The following MAGI2 variants were observed in gnomAD, a reference collection of about 807,000 sequenced individuals.
MAGI2 encodes the protein membrane associated guanylate kinase, WW and PDZ domain containing 2.
MAGI2 carries 35 observed loss-of-function variants against 133.3 expected under a neutral mutation model. The ratio of observed to expected loss-of-function variants is 0.26; its 90% CI spans 0.20 to 0.35. MAGI2 has a LOEUF of 0.35. MAGI2 is among the 10% of genes least tolerant of loss of function. The pLI, the probability that MAGI2 is intolerant of heterozygous loss-of-function variation, is 1.00. For synonymous variants in MAGI2, 729 were observed against 710.6 expected (o/e 1.03, Z -0.41); for missense variants, 1,636 against 1,863.4 (o/e 0.88, Z 2.25).
At chr7:78,141,704 T>C (rs1051678872) in intron 16 of MAGI2, among the ~76,000 whole-genome samples, 5 of 152,138 alleles carry the variant, frequency 3.3e-5, no homozygotes, top group Admixed American at 6.5e-5. Context: ...AAGTGCGTTT[T>C]CCCCCCTCCC....
chr7:78,944,872 A>AACT (rs766473395), intron 2 of MAGI2, among the ~76,000 whole-genome samples: 7 of 151,752 alleles, frequency 4.6e-5, no homozygotes, highest in Non-Finnish European at 8.8e-5. Context: ...GAGTAGATGG[A>AACT]ACTACAGGTG....
intron 1 of MAGI2, among the ~76,000 whole-genome samples, chr7:79,247,152 G>T (rs1832885606): frequency 6.6e-6 from 1 of 152,112 alleles, no homozygotes; most frequent in Non-Finnish European, 1.5e-5. Flanking sequence ...TCTAAAAGGA[G>T]TTCTTCAATC....
In MAGI2 at chr7:78,627,258, A is replaced by G; in HGVS notation, c.419-19T>C. ...GTGGTGCCTGAATAAAGAAAAGTAA[A>G]AACAAAAGAAAGACGCTAAGTGATT... On this transcript the variant is annotated intron_variant, in intron 2 of 21. Coordinates refer to ENST00000354212, the MANE Select transcript of MAGI2 (RefSeq NM_012301.4). The G allele has an allele frequency of 6.6e-7, 1 of 1,512,540 alleles. No homozygotes were observed. The highest frequency in any genetic ancestry group is 1.8e-4 in the Middle Eastern group (1 of 5,622). The allele number at this position is 1,512,540 out of a possible 1,614,324, so 93.7% of individuals were successfully genotyped here.
At chr7:79,020,495 G>A (rs548856335) in intron 1 of MAGI2, among the ~76,000 whole-genome samples, 6 of 152,142 alleles carry the variant, frequency 3.9e-5, no homozygotes, top group South Asian at 2.1e-4. Flanking sequence ...GGTCAGGCGC[G>A]GTGGCTGATG....
At chr7:78,892,287 G>T (rs561479483) in intron 2 of MAGI2, among the ~76,000 whole-genome samples, 11 of 152,276 alleles carry the variant, frequency 7.2e-5, no homozygotes, top group African/African-American at 9.6e-5. Context: ...TCAATATCAT[G>T]AAAATGGCCA....
intron 1 of MAGI2, among the ~76,000 whole-genome samples, chr7:79,190,309 A>C (rs1585160197): frequency 6.6e-6 from 1 of 151,986 alleles, no homozygotes; most frequent in African/African-American, 2.4e-5. Context: ...TTTAAGTTTT[A>C]GGCATTCTAA....
At chr7:78,124,392 C>T (rs1820760424) in intron 20 of MAGI2, among the ~76,000 whole-genome samples, 1 of 152,178 alleles carries the variant, frequency 6.6e-6, no homozygotes, top group East Asian at 1.9e-4. Context: ...TAAATTCCAA[C>T]TTGGATGCTT....
At chr7:79,136,020 A>AGAAAGAAAGAAAGAAAGAAAGAAG (rs1821438671) in intron 1 of MAGI2, among the ~76,000 whole-genome samples, 1 of 112,612 alleles carries the variant, frequency 8.9e-6, no homozygotes, top group East Asian at 2.6e-4. Context: ...AAAGAAAGAA[A>AGAAAGAAAGAAAGAAAGAAAGAAG]GAAAGAAGGA....
intron 2 of MAGI2, among the ~76,000 whole-genome samples, chr7:78,777,410 G>T (rs1826067842): frequency 6.6e-6 from 1 of 152,066 alleles, no homozygotes. Flanking sequence ...AAGGAGCTTA[G>T]CACAGTGCCT....
intron 10 of MAGI2, among the ~76,000 whole-genome samples, chr7:78,231,789 G>A (rs962852480): frequency 1.3e-5 from 2 of 152,162 alleles, no homozygotes; most frequent in Admixed American, 6.5e-5. Flanking sequence ...GCTGAAGAAA[G>A]GATGTAATTT....
At chr7:78,537,706 G>A (rs560370330) in intron 3 of MAGI2, among the ~76,000 whole-genome samples, 2 of 151,980 alleles carry the variant, frequency 1.3e-5, no homozygotes, top group South Asian at 4.1e-4. Context: ...TTTTCTTGCT[G>A]ATTTTTTCCT....
chr7:78,376,069 A>G (rs756518110), intron 6 of MAGI2, among the ~76,000 whole-genome samples: 2 of 151,996 alleles, frequency 1.3e-5, no homozygotes, highest in African/African-American at 4.8e-5. Context: ...AGCTAAATCC[A>G]TACATTAATG....
At chr7:79,135,989 A>AAGACAGAGAGAG (rs1281715899) in intron 1 of MAGI2, among the ~76,000 whole-genome samples, 3 of 47,794 alleles carry the variant, frequency 6.3e-5, no homozygotes, top group African/African-American at 1.4e-4. Flanking sequence ...GAAAGAAAGA[A>AAGACAGAGAGAG]AGAAAGAAAG....
chr7:79,353,691 G>C (rs1233572733), intron 1 of MAGI2: 3 of 310,288 alleles, frequency 9.7e-6, no homozygotes, highest in Non-Finnish European at 1.9e-5. Context: ...TCTGCAGCCT[G>C]GTCACCATGT....
At chr7:79,165,803 G>C (rs1394805373) in intron 1 of MAGI2, among the ~76,000 whole-genome samples, 1 of 151,962 alleles carries the variant, frequency 6.6e-6, no homozygotes, top group Non-Finnish European at 1.5e-5. Context: ...AGGCAGAGTT[G>C]AATATTTACA....
chr7:78,475,687 G>T (rs960125508), intron 6 of MAGI2, among the ~76,000 whole-genome samples: 1 of 151,684 alleles, frequency 6.6e-6, no homozygotes, highest in Non-Finnish European at 1.5e-5. Context: ...AATAGCAGAC[G>T]GAATAAATCA....
chr7:78,547,648 C>T (rs898462586), intron 3 of MAGI2, among the ~76,000 whole-genome samples: 5 of 152,194 alleles, frequency 3.3e-5, no homozygotes, highest in South Asian at 2.1e-4. Context: ...TATCACAAGG[C>T]ACGCGCGCAC....
chr7:78,990,455 G>C (rs1188148767), intron 2 of MAGI2, among the ~76,000 whole-genome samples: 1 of 151,806 alleles, frequency 6.6e-6, no homozygotes, highest in Non-Finnish European at 1.5e-5. Flanking sequence ...TTCCTCTTAC[G>C]CTCATTACAA....
At chr7:79,145,740 T>G (rs1253671835) in intron 1 of MAGI2, among the ~76,000 whole-genome samples, 1 of 152,214 alleles carries the variant, frequency 6.6e-6, no homozygotes, top group Non-Finnish European at 1.5e-5. Flanking sequence ...TCTGAATTTA[T>G]TTTTAGGTAA....
Sources: gnomAD v4.1 joint callset for allele counts (sites outside exome capture counted in the v4.1 genomes callset) on GRCh38, gnomAD v4.1.1 for gene constraint, MANE v1.5 for transcripts, NCBI Gene and HGNC (gene_info 2026-07-23, HGNC 2026-07-21) for gene names.